Variants in PARD3B observed in about 807,000 individuals in gnomAD.
The protein encoded by PARD3B is par-3 family cell polarity regulator beta.
In PARD3B, 103 loss-of-function variants were observed where a neutral mutation model predicts 130.2. The observed-to-expected ratio is 0.79, with a 90% CI of 0.67 to 0.93. The LOEUF (loss-of-function observed/expected upper bound fraction) is 0.93. Ranked by LOEUF, PARD3B falls within the 40% of genes least tolerant of loss-of-function variation. PARD3B has a pLI of 0.00. For synonymous variants in PARD3B, 583 were observed against 553.2 expected (o/e 1.05, Z -0.76); for missense variants, 1,609 against 1,499.2 (o/e 1.07, Z -1.21).
intron 3 of PARD3B, among the ~76,000 whole-genome samples, chr2:204,997,421 C>T (rs2125263688): frequency 1.3e-5 from 2 of 152,250 alleles, no homozygotes; most frequent in Middle Eastern, 6.8e-3. Flanking sequence ...CTTTATTGCC[C>T]TTCAGTAAGG....
At chr2:204,991,950 G>T (rs373820621) in intron 3 of PARD3B, among the ~76,000 whole-genome samples, 20 of 151,438 alleles carry the variant, frequency 1.3e-4, no homozygotes, top group South Asian at 2.1e-4. Flanking sequence ...TAAATTTGTT[G>T]GAGTTCATTG....
chr2:204,637,978 A>G (rs1039760534), intron 1 of PARD3B, among the ~76,000 whole-genome samples: 6 of 152,062 alleles, frequency 3.9e-5, no homozygotes, highest in African/African-American at 1.4e-4. Context: ...TGGATTTTCT[A>G]CTTTCTTACG....
intron 3 of PARD3B, among the ~76,000 whole-genome samples, chr2:205,006,725 T>C (rs1695295186): frequency 6.6e-6 from 1 of 152,232 alleles, no homozygotes; most frequent in Admixed American, 6.5e-5. Flanking sequence ...CTTTGTCAGA[T>C]GCATAGTTTG....
At chr2:204,895,837 A>T (rs2046622455) in intron 2 of PARD3B, among the ~76,000 whole-genome samples, 1 of 152,212 alleles carries the variant, frequency 6.6e-6, no homozygotes, top group Non-Finnish European at 1.5e-5. Context: ...ACTTAAAAAT[A>T]CTTAAAAGAA....
intron 1 of PARD3B, among the ~76,000 whole-genome samples, chr2:204,591,122 A>G (rs2033057101): frequency 6.6e-6 from 1 of 152,196 alleles, no homozygotes; most frequent in Non-Finnish European, 1.5e-5. Flanking sequence ...CCAGCAAACT[A>G]TGTTTCTTTT....
At chr2:204,789,181 A>G (rs2042115562) in intron 2 of PARD3B, among the ~76,000 whole-genome samples, 1 of 152,064 alleles carries the variant, frequency 6.6e-6, no homozygotes, top group African/African-American at 2.4e-5. Flanking sequence ...CTCAGCCTCC[A>G]GAGTAGCTGG....
At chr2:205,493,827 A>G (rs1228933373) in intron 20 of PARD3B, among the ~76,000 whole-genome samples, 2 of 151,876 alleles carry the variant, frequency 1.3e-5, no homozygotes, top group Middle Eastern at 3.4e-3. Flanking sequence ...GCATGATCTC[A>G]GCTCACTGCA....
intron 2 of PARD3B, among the ~76,000 whole-genome samples, chr2:204,728,353 T>G (rs2039333695): frequency 6.6e-6 from 1 of 152,112 alleles, no homozygotes. Context: ...AGACAAGGGC[T>G]TCAGGATGGT....
At chr2:205,540,580 T>G (rs1002344714) in intron 21 of PARD3B, among the ~76,000 whole-genome samples, 1 of 152,188 alleles carries the variant, frequency 6.6e-6, no homozygotes, top group Non-Finnish European at 1.5e-5. Context: ...TACCCAGGGT[T>G]GCAGTAATAT....
chr2:204,666,200 A>G (rs2036015404), intron 1 of PARD3B, among the ~76,000 whole-genome samples: 1 of 152,196 alleles, frequency 6.6e-6, no homozygotes, highest in South Asian at 2.1e-4. Flanking sequence ...GCAACTAATC[A>G]TAGAGGCAAA....
chr2:205,123,461 G>A (rs2030999700), intron 8 of PARD3B, among the ~76,000 whole-genome samples: 1 of 152,076 alleles, frequency 6.6e-6, no homozygotes, highest in South Asian at 2.1e-4. Flanking sequence ...TTCATTGGAA[G>A]ATATACTTGG....
At chr2:204,939,693 G>T (rs1168746998) in intron 2 of PARD3B, among the ~76,000 whole-genome samples, 1 of 152,146 alleles carries the variant, frequency 6.6e-6, no homozygotes, top group African/African-American at 2.4e-5. Flanking sequence ...ACAAAGAGGG[G>T]TATTATAAAC....
At chr2:204,638,031 C>T (rs2034947993) in intron 1 of PARD3B, among the ~76,000 whole-genome samples, 1 of 152,110 alleles carries the variant, frequency 6.6e-6, no homozygotes, top group South Asian at 2.1e-4. Context: ...TGCAAGAATT[C>T]CAGTGTCCAA....
intron 19 of PARD3B, among the ~76,000 whole-genome samples, chr2:205,429,467 A>C (rs1466726552): frequency 6.6e-6 from 1 of 152,170 alleles, no homozygotes; most frequent in Non-Finnish European, 1.5e-5. Context: ...CCCCTAATGA[A>C]ATAATTAATT....
In PARD3B at chr2:205,176,518, G is replaced by A. The variant is rs201785347; in HGVS notation, c.1865G>A (p.Arg622Gln). 1.0e-4 allele frequency: 164 copies of A among 1,612,644 alleles called. No homozygotes were observed. In the Middle Eastern group the frequency reaches 1.7e-3, roughly 16 times the overall value. ...CAAAATGCTGTAACCACCTCTAGGCGAAATGATAATAGTATCCTGCATCCA... is the reference window on the plus strand; with the variant it reads ...CAAAATGCTGTAACCACCTCTAGGCAAAATGATAATAGTATCCTGCATCCA... ...NCQNAVTTSRRNDNSILHPLG... is the reference protein window; with the variant it reads ...NCQNAVTTSRQNDNSILHPLG... The change falls in exon 13 of 23, where the codon CGA becomes CAA. Residue 622 changes from arginine (R) to glutamine (Q), a missense_variant. Coordinates refer to ENST00000406610, the MANE Select transcript of PARD3B (RefSeq NM_001302769.2). The surrounding 1 kb of genome is among the most constrained non-coding windows in gnomAD (Gnocchi z 5.3).
chr2:205,005,681 A>G (rs1330443680), intron 3 of PARD3B, among the ~76,000 whole-genome samples: 2 of 152,242 alleles, frequency 1.3e-5, no homozygotes, highest in Non-Finnish European at 2.9e-5. Flanking sequence ...TAGGTTTAAA[A>G]ATACAAAGTA....
In PARD3B at chr2:205,142,447, G is replaced by A. The variant is rs1488490192; in HGVS notation, c.1435-16275G>A. ...CAAAGAGGTATTGTGGCAGAGAAGT[G>A]TCAACAAAACATGTATGAAGTCATC... On this transcript the variant is annotated intron_variant, in intron 10 of 22. Transcript: ENST00000406610. This position sits in a 1 kb window ranked among gnomAD's most constrained non-coding sequence, Gnocchi z 4.3. Among the ~76,000 whole-genome samples the A allele has an allele frequency of 1.3e-5, 2 of 152,148 alleles. No individual in the cohort carries two copies. The highest frequency in any genetic ancestry group is 2.9e-5 in the Non-Finnish European group (2 of 68,022).
At chr2:205,067,095 CTTTTT>C (rs10672449) in intron 4 of PARD3B, among the ~76,000 whole-genome samples, 55 of 59,712 alleles carry the variant, frequency 9.2e-4, no homozygotes, top group African/African-American at 3.9e-3. Flanking sequence ...TTTTACTAGG[CTTTTT>C]TTTTTTTTTT....
At chr2:204,962,856 C>CT (rs777084945) in intron 2 of PARD3B, among the ~76,000 whole-genome samples, 25 of 152,138 alleles carry the variant, frequency 1.6e-4, no homozygotes, top group Non-Finnish European at 3.5e-4. Flanking sequence ...TTCACCATAA[C>CT]TAGGTGCTAA....
Sources: gnomAD v4.1 joint callset for allele counts (sites outside exome capture counted in the v4.1 genomes callset) on GRCh38, gnomAD v4.1.1 for gene constraint, Gnocchi (gnomAD v3.1) non-coding constraint, MANE v1.5 for transcripts, NCBI Gene and HGNC (gene_info 2026-07-23, HGNC 2026-07-21) for gene names.